Variants in AGAP1 observed in about 807,000 individuals in gnomAD.
AGAP1 encodes ArfGAP with GTPase domain, ankyrin repeat and PH domain 1, also known as arf-GAP with GTPase, ANK repeat and PH domain-containing protein 1.
Under a neutral mutation model 105.3 loss-of-function variants are expected in AGAP1, and 29 were observed. The observed-to-expected ratio is 0.28, with a 90% CI of 0.21 to 0.38. The LOEUF (loss-of-function observed/expected upper bound fraction) is 0.38. AGAP1 is among the 10% of genes least tolerant of loss of function. AGAP1 has a pLI of 1.00. For synonymous variants in AGAP1, 509 were observed against 485.9 expected (o/e 1.05, Z -0.63); for missense variants, 998 against 1,165.1 (o/e 0.86, Z 2.09).
Position 235,904,965 on chromosome 2 carries a change from TTTTA to T in AGAP1, c.1156-3765_1156-3762del, listed in dbSNP as rs925066780. Among the ~76,000 whole-genome samples, 4 of 152,054 alleles carry T rather than the reference TTTTA, an allele frequency of 2.6e-5. No homozygotes were observed. Among genetic ancestry groups the T allele is most frequent in the African/African-American group, 9.7e-5 (4 of 41,328 alleles). ...AAGAATTGGCTATTTTAAATACCGA[TTTTA>T]TTTATTTTTTTTTTTTAGAGCTAGT... On this transcript the variant is annotated intron_variant, in intron 10 of 17. Transcript: ENST00000304032. This position sits in a 1 kb window ranked among gnomAD's most constrained non-coding sequence, Gnocchi z 4.2.
At chr2:236,079,006 G>A (rs1192551281) in intron 16 of AGAP1, among the ~76,000 whole-genome samples, 3 of 152,094 alleles carry the variant, frequency 2.0e-5, no homozygotes, top group Non-Finnish European at 4.4e-5. Context: ...GAAGATACCT[G>A]ATGCCGGGGC....
At chr2:235,684,516 G>C (rs943950798) in intron 1 of AGAP1, among the ~76,000 whole-genome samples, 2 of 152,200 alleles carry the variant, frequency 1.3e-5, no homozygotes, top group African/African-American at 2.4e-5. Flanking sequence ...GCTTCCTTTT[G>C]AGGATTTGCC....
At chr2:236,099,507 A>G (rs2059292148) in intron 16 of AGAP1, among the ~76,000 whole-genome samples, 1 of 152,138 alleles carries the variant, frequency 6.6e-6, no homozygotes, top group South Asian at 2.1e-4. Context: ...TGCAGCATTC[A>G]GGACATTAAA....
chr2:235,671,019 C>T (rs975867311), intron 1 of AGAP1: 2 of 1,309,828 alleles, frequency 1.5e-6, no homozygotes, highest in East Asian at 3.1e-5. Flanking sequence ...GAAGCGCACT[C>T]GTCCAGCGCC....
chr2:235,726,950 G>A (rs758359754), intron 3 of AGAP1, among the ~76,000 whole-genome samples: 1 of 152,152 alleles, frequency 6.6e-6, no homozygotes, highest in Non-Finnish European at 1.5e-5. Flanking sequence ...GCCTGTGTTG[G>A]GTGGGCATCA....
rs1181052126 is a variant in AGAP1, at chr2:235,740,717, G to A, written c.311-246G>A. On this transcript the variant is annotated intron_variant, in intron 3 of 17. Coordinates refer to ENST00000304032, the MANE Select transcript of AGAP1 (RefSeq NM_001037131.3). This position sits in a 1 kb window ranked among gnomAD's most constrained non-coding sequence, Gnocchi z 5.7. ...TGAGAAGTCCACACTAATTGGCCAC[G>A]AGTGTCTGGCATTGCGAAGGAAGCT... 6.6e-6 allele frequency among the ~76,000 whole-genome samples: 1 copy of A among 152,248 alleles called. No individual in the cohort carries two copies. Among genetic ancestry groups the A allele is most frequent in the African/African-American group, 2.4e-5 (1 of 41,466 alleles).
rs1361454158 is a variant in AGAP1 at position 235,690,040 on chromosome 2, C to G, written c.164-19139C>G. ...GATATCACAGCAAATGCAAAGGTGA[C>G]TGGGAGTTCTAAGCCCCTGGGTGTC... is the stretch of plus-strand genomic sequence containing the variant. On this transcript the variant is annotated intron_variant, in intron 1 of 17. Coordinates refer to ENST00000304032, the MANE Select transcript of AGAP1 (RefSeq NM_001037131.3). The surrounding 1 kb of genome is among the most constrained non-coding windows in gnomAD (Gnocchi z 4.1). 6.6e-6 allele frequency among the ~76,000 whole-genome samples: 1 copy of G among 152,116 alleles called. No individual in the cohort carries two copies. The highest frequency in any genetic ancestry group is 1.5e-5 in the Non-Finnish European group (1 of 68,028).
rs6431426 is a variant in AGAP1 at position 236,127,609 on chromosome 2, A to G, written c.*3487A>G. The G allele has an allele frequency of 0.5, 75,801 of 152,116 alleles. 21,769 individuals are homozygous for G. The highest frequency in any genetic ancestry group is 0.8 in the African/African-American group (33,135 of 41,522). The allele number at this position is 152,116 out of a possible 1,614,324, so 9.4% of individuals were successfully genotyped here. On this transcript the variant is annotated 3_prime_UTR_variant, in exon 18 of 18. Coordinates refer to ENST00000304032, the MANE Select transcript of AGAP1 (RefSeq NM_001037131.3). The surrounding 1 kb of genome is among the most constrained non-coding windows in gnomAD (Gnocchi z 6.6). ...TTGAAGCTCCCTCTTCTGAGATTTC[A>G]CCCAGCCTGATGAGGCCTGCATGGT...
At chr2:235,688,855 G>GT (rs1949598447) in intron 1 of AGAP1, among the ~76,000 whole-genome samples, 1 of 152,170 alleles carries the variant, frequency 6.6e-6, no homozygotes, top group African/African-American at 2.4e-5. Context: ...CGCTAGTGCT[G>GT]TTTGAGGGCC....
In AGAP1 at chr2:235,599,696, C is replaced by T. The variant is rs6731727; in HGVS notation, c.163+104847C>T. Among the ~76,000 whole-genome samples the T allele has an allele frequency of 0.25, 38,162 of 151,968 alleles. 6,553 individuals carry two copies. Among genetic ancestry groups the T allele is most frequent in the African/African-American group, 0.49 (20,105 of 41,412 alleles). On this transcript the variant is annotated intron_variant, in intron 1 of 17. Transcript: ENST00000304032. This position sits in a 1 kb window ranked among gnomAD's most constrained non-coding sequence, Gnocchi z 5.3. ...ATCCTGCAGTCCACTTGCCCAGCGT[C>T]ACTTCCTCCAGTGCCCTTTCTGGGT...
intron 1 of AGAP1, among the ~76,000 whole-genome samples, chr2:235,682,650 C>CCCTGATTTT (rs1353650231): frequency 6.6e-6 from 1 of 151,966 alleles, no homozygotes; most frequent in Non-Finnish European, 1.5e-5. Flanking sequence ...TGGCACAGAA[C>CCCTGATTTT]CCTGATTTTG....
intron 6 of AGAP1, among the ~76,000 whole-genome samples, chr2:235,783,595 C>G (rs982330423): frequency 6.6e-6 from 1 of 152,086 alleles, no homozygotes; most frequent in Non-Finnish European, 1.5e-5. Flanking sequence ...GACGTACCCA[C>G]AAAACATTAT....
chr2:235,829,083 A>G lies in AGAP1; in HGVS notation c.1050+21752A>G, dbSNP rs180839637. Among the ~76,000 whole-genome samples, 1,260 of 152,270 alleles carry G rather than the reference A, an allele frequency of 8.3e-3. 6 individuals carry two copies. The highest frequency in any genetic ancestry group is 0.014 in the Non-Finnish European group (961 of 68,024). On this transcript the variant is annotated intron_variant, in intron 9 of 17. Transcript: ENST00000304032. ...TTGGGCTACTGGGTAGATGGGCACC[A>G]GTGACTGGGCAGATTGGCACCAGGA... is the stretch of plus-strand genomic sequence containing the variant.
chr2:235,904,277 C>T lies in AGAP1; in HGVS notation c.1156-4461C>T, dbSNP rs1173601522. Among the ~76,000 whole-genome samples, 2 of 152,164 alleles carry T rather than the reference C, an allele frequency of 1.3e-5. No individual in the cohort carries two copies. Among genetic ancestry groups the T allele is most frequent in the African/African-American group, 4.8e-5 (2 of 41,452 alleles). On this transcript the variant is annotated intron_variant, in intron 10 of 17. Coordinates refer to ENST00000304032, the MANE Select transcript of AGAP1 (RefSeq NM_001037131.3). This position sits in a 1 kb window ranked among gnomAD's most constrained non-coding sequence, Gnocchi z 4.2. ...CCGGAGCAGGGTTGCAGGGGGACAGCGAGGCACAGTTACCGAGCAATTGGC... is the reference window on the plus strand; with the variant it reads ...CCGGAGCAGGGTTGCAGGGGGACAGTGAGGCACAGTTACCGAGCAATTGGC...
At chr2:235,711,363 G>A (rs185836898) in intron 2 of AGAP1, among the ~76,000 whole-genome samples, 2 of 152,330 alleles carry the variant, frequency 1.3e-5, no homozygotes, top group African/African-American at 2.4e-5. Context: ...GGGCCCACAT[G>A]ATCATACCAG....
chr2:235,513,769 T>C (rs938675), intron 1 of AGAP1, among the ~76,000 whole-genome samples: 134,859 of 152,070 alleles, frequency 0.89, 60,123 homozygotes, highest in East Asian at 0.98. Flanking sequence ...TGGGTGCATT[T>C]CTGGCTGGCA....
intron 16 of AGAP1, among the ~76,000 whole-genome samples, chr2:236,060,937 C>T (rs1206301606): frequency 2.0e-5 from 3 of 151,990 alleles, no homozygotes; most frequent in African/African-American, 7.2e-5. Context: ...GTGGGGCACA[C>T]CTGTAGTCCC....
chr2:236,091,879 G>A (rs936159334), intron 16 of AGAP1, among the ~76,000 whole-genome samples: 5 of 152,230 alleles, frequency 3.3e-5, no homozygotes, highest in Non-Finnish European at 5.9e-5. Context: ...ATGCCCTTCA[G>A]TGGGTGAAAA....
intron 11 of AGAP1, among the ~76,000 whole-genome samples, chr2:235,925,323 AG>A (rs900436979): frequency 6.6e-6 from 1 of 151,558 alleles, no homozygotes; most frequent in African/African-American, 2.4e-5. Flanking sequence ...TGGTGCGCAG[AG>A]TTTTCCCACA....
Sources: allele counts gnomAD v4.1 joint callset (sites outside exome capture counted in the v4.1 genomes callset), GRCh38; gene constraint gnomAD v4.1.1; non-coding constraint Gnocchi (gnomAD v3.1); transcripts MANE v1.5; gene names NCBI Gene and HGNC (gene_info 2026-07-23, HGNC 2026-07-21).